The following FGF14 variants were observed in gnomAD, a reference collection of about 807,000 sequenced individuals.
The protein encoded by FGF14 is fibroblast growth factor homologous factor 4.
A neutral mutation model predicts 25.5 loss-of-function variants in FGF14; 5 were observed. That is an observed-to-expected ratio of 0.20 (90% CI 0.10 to 0.41). The LOEUF (loss-of-function observed/expected upper bound fraction) is 0.41. Among genes scored for constraint, FGF14 ranks in the 10% least tolerant of loss-of-function variants. The pLI, the probability that FGF14 is intolerant of heterozygous loss-of-function variation, is 1.00. For synonymous variants in FGF14, 138 were observed against 118.3 expected (o/e 1.17, Z -1.08); for missense variants, 222 against 320.1 (o/e 0.69, Z 2.34).
intron 1 of FGF14, among the ~76,000 whole-genome samples, chr13:102,097,380 T>C (rs1225607063): frequency 3.9e-5 from 6 of 152,208 alleles, no homozygotes; most frequent in Admixed American, 3.9e-4. Context: ...TTGGTGAAGC[T>C]GTCTGGGACA....
intron 1 of FGF14, among the ~76,000 whole-genome samples, chr13:102,127,488 C>T (rs527871629): frequency 1.4e-5 from 2 of 147,458 alleles, no homozygotes; most frequent in Non-Finnish European, 3.1e-5. Context: ...ATGATGTTAA[C>T]TCTTCTTATT....
intron 1 of FGF14, among the ~76,000 whole-genome samples, chr13:102,355,070 C>T (rs933617910): frequency 7.2e-5 from 11 of 152,114 alleles, no homozygotes; most frequent in African/African-American, 1.7e-4. Context: ...GAAAAAGGTA[C>T]GTCTTTTTCA....
chr13:102,250,917 G>A (rs980789057), intron 1 of FGF14, among the ~76,000 whole-genome samples: 2 of 152,088 alleles, frequency 1.3e-5, no homozygotes, highest in Non-Finnish European at 2.9e-5. Flanking sequence ...TATCTTTAGA[G>A]TAATTTTTCT....
At chr13:102,060,366 A>G (rs1220520231) in intron 1 of FGF14, among the ~76,000 whole-genome samples, 4 of 152,160 alleles carry the variant, frequency 2.6e-5, no homozygotes, top group Admixed American at 6.5e-5. Context: ...TATACTAAAA[A>G]TACAAAAAAA....
chr13:101,749,201 G>A (rs552964058), intron 3 of FGF14, among the ~76,000 whole-genome samples: 17 of 152,104 alleles, frequency 1.1e-4, no homozygotes, highest in Non-Finnish European at 2.2e-4. Flanking sequence ...TTTCAGATTC[G>A]CAGGGTGAGA....
intron 3 of FGF14, among the ~76,000 whole-genome samples, chr13:101,787,339 G>T (rs2039897428): frequency 6.6e-6 from 1 of 152,146 alleles, no homozygotes; most frequent in Admixed American, 6.5e-5. Flanking sequence ...CCATTTTTAT[G>T]ATTATTGTCA....
rs1262000167 is a variant in FGF14, at chr13:102,327,713, C to A, written c.208+73758G>T. Among the ~76,000 whole-genome samples, 6 of 152,040 alleles carry A rather than the reference C, an allele frequency of 3.9e-5. No individual in the cohort carries two copies. The East Asian group carries it at 1.2e-3, about 30-fold the overall frequency. ...ACTTAGTTAGGCATGGTAGTGCATGCCCGTGGCCCCAGCTACTTGGGAGGC... is the reference window on the plus strand; with the variant it reads ...ACTTAGTTAGGCATGGTAGTGCATGACCGTGGCCCCAGCTACTTGGGAGGC... On this transcript the variant is annotated intron_variant, in intron 1 of 4. Coordinates refer to the FGF14 transcript ENST00000376131.
chr13:101,965,652 A>G (rs115040302), intron 1 of FGF14, among the ~76,000 whole-genome samples: 1,642 of 150,044 alleles, frequency 0.011, 33 homozygotes, highest in African/African-American at 0.037. Context: ...TGAATGTGAG[A>G]TCCTAAAAAG....
chr13:101,949,208 A>T (rs1375737082), intron 1 of FGF14, among the ~76,000 whole-genome samples: 6 of 152,182 alleles, frequency 3.9e-5, no homozygotes, highest in Admixed American at 3.9e-4. Flanking sequence ...TGGAGATTGA[A>T]ATCTGACCAA....
intron 1 of FGF14, among the ~76,000 whole-genome samples, chr13:102,184,018 A>G (rs538380574): frequency 6.6e-6 from 1 of 152,172 alleles, no homozygotes; most frequent in Non-Finnish European, 1.5e-5. Context: ...CAAGAAATAC[A>G]ACAAATAGAA....
chr13:102,371,375 T>A (rs552848661), intron 1 of FGF14, among the ~76,000 whole-genome samples: 2 of 152,224 alleles, frequency 1.3e-5, no homozygotes, highest in South Asian at 2.1e-4. Context: ...AGGGTTTTTT[T>A]ATTCTTTTTT....
At position 102,283,849 on chromosome 13, in the gene FGF14, A is replaced by C. The variant is rs566693212; in HGVS notation, c.208+117622T>G. On this transcript the variant is annotated intron_variant, in intron 1 of 4. Transcript: ENST00000376131. The stretch of plus-strand genomic sequence containing the variant: ...CATAAGCAGGTCAGTTGATTTTTCC[A>C]AGTATCAATTTCTGAGTCTCATTTC... Among the ~76,000 whole-genome samples the C allele has an allele frequency of 5.1e-4, 77 of 152,296 alleles. 1 individual carries two copies. In the South Asian group the frequency reaches 0.012, roughly 24 times the overall value.
intron 1 of FGF14, among the ~76,000 whole-genome samples, chr13:101,911,287 C>T (rs1353596135): frequency 4.6e-5 from 7 of 152,016 alleles, no homozygotes; most frequent in Admixed American, 1.3e-4. Context: ...TAATTGATTA[C>T]GGTAACTTTG....
chr13:101,944,141 G>T (rs189841673), intron 1 of FGF14, among the ~76,000 whole-genome samples: 1 of 152,186 alleles, frequency 6.6e-6, no homozygotes, highest in East Asian at 1.9e-4. Context: ...ACTGCAGAAA[G>T]AGCAGAAGTT....
chr13:102,066,469 A>G (rs890848477), intron 1 of FGF14, among the ~76,000 whole-genome samples: 3 of 152,192 alleles, frequency 2.0e-5, no homozygotes, highest in African/African-American at 7.2e-5. Context: ...AAAGACAATT[A>G]AAAGTAAGGA....
chr13:102,217,137 CAT>C (rs2050408776), intron 1 of FGF14, among the ~76,000 whole-genome samples: 1 of 152,298 alleles, frequency 6.6e-6, no homozygotes, highest in Admixed American at 6.5e-5. Context: ...ATCTTTTTGA[CAT>C]ATTGTTTTCA....
At chr13:101,726,468 C>A in intron 4 of FGF14, 144 bp downstream of exon 4, 1 of 740,130 alleles carries the variant, frequency 1.4e-6, no homozygotes, top group Non-Finnish European at 2.2e-6. Context: ...CTTAAGTAGG[C>A]ACCTGTGCAA....
chr13:102,225,481 C>A (rs1435643995), intron 1 of FGF14, among the ~76,000 whole-genome samples: 1 of 152,108 alleles, frequency 6.6e-6, no homozygotes. Flanking sequence ...CTAGAGAAGA[C>A]AATTTTTATG....
intron 1 of FGF14, among the ~76,000 whole-genome samples, chr13:101,880,908 T>C (rs1161751451): frequency 1.3e-5 from 2 of 152,192 alleles, no homozygotes; most frequent in Admixed American, 6.5e-5. Context: ...TTATATTGTA[T>C]TTAAGAGTTG....
Sources: gnomAD v4.1 joint callset for allele counts (sites outside exome capture counted in the v4.1 genomes callset) on GRCh38, gnomAD v4.1.1 for gene constraint, MANE v1.5 for transcripts, NCBI Gene and HGNC (gene_info 2026-07-23, HGNC 2026-07-21) for gene names.